SLC35F4: variants seen among roughly 807,000 people sequenced by gnomAD.
The protein encoded by SLC35F4 is chromosome 14 open reading frame 36.
A neutral mutation model predicts 44.2 loss-of-function variants in SLC35F4; 24 were observed. The ratio of observed to expected loss-of-function variants is 0.54; its 90% CI spans 0.39 to 0.76. The LOEUF is 0.76. Among genes scored for constraint, SLC35F4 ranks in the 30% least tolerant of loss-of-function variants. SLC35F4 has a pLI of 0.00. For missense variants in SLC35F4, 562 were observed against 586.1 expected (o/e 0.96, Z 0.42); for synonymous variants, 238 against 223.6 (o/e 1.06, Z -0.57).
chr14:57,925,533 G>GGGAT (rs1889550368), intron 1 of SLC35F4, among the ~76,000 whole-genome samples: 1 of 106,940 alleles, frequency 9.4e-6, no homozygotes, highest in African/African-American at 3.8e-5. Flanking sequence ...GAGGGAGGGA[G>GGGAT]GGAGGGAGGG....
intron 1 of SLC35F4, among the ~76,000 whole-genome samples, chr14:57,731,271 G>A (rs1205975488): frequency 2.0e-5 from 3 of 152,108 alleles, no homozygotes; most frequent in Non-Finnish European, 4.4e-5. Context: ...ACCAAGTTGT[G>A]CCTTCATGTT....
intron 1 of SLC35F4, among the ~76,000 whole-genome samples, chr14:57,672,993 A>G (rs149632497): frequency 2.0e-5 from 3 of 152,180 alleles, no homozygotes; most frequent in Admixed American, 2.0e-4. Flanking sequence ...AAAAAATAAA[A>G]TTTGCCATAA....
chr14:57,661,345 A>G (rs2074130830), intron 1 of SLC35F4, among the ~76,000 whole-genome samples: 1 of 152,162 alleles, frequency 6.6e-6, no homozygotes, highest in Non-Finnish European at 1.5e-5. Flanking sequence ...TTTGTGAGGC[A>G]CTGCTCCTGT....
intron 1 of SLC35F4, among the ~76,000 whole-genome samples, chr14:57,831,929 C>T (rs139653896): frequency 6.2e-4 from 95 of 152,226 alleles, no homozygotes; most frequent in African/African-American, 2.1e-3. Context: ...AGTGTATATC[C>T]GTGTCTTCAC....
intron 1 of SLC35F4, among the ~76,000 whole-genome samples, chr14:57,668,152 A>C (rs2074383489): frequency 6.7e-5 from 10 of 150,114 alleles, no homozygotes; most frequent in South Asian, 2.1e-4. Context: ...GTGTCTGTTC[A>C]TATCCTTTGC....
Position 57,654,840 on chromosome 14 carries a change from T to C in SLC35F4, c.104-60716A>G, listed in dbSNP as rs1028352578. ...AGAAGTTAGGACTTCAACATGAACA[T>C]TGGGGGACATAATTCAAACCATTAT... On this transcript the variant is annotated intron_variant, in intron 1 of 7. Transcript: ENST00000556826. 6.6e-5 allele frequency among the ~76,000 whole-genome samples: 10 copies of C among 152,186 alleles called. No homozygotes were observed. In the South Asian group the frequency reaches 1.2e-3, roughly 19 times the overall value.
Position 57,572,000 on chromosome 14 carries a change from G to T in SLC35F4, c.827C>A (p.Ala276Glu). The part of the protein sequence containing the change: ...MGVRIVAAIM[A>E]ITGIVMMAYA... Reference sequence around the variant, plus strand: ...TGCCATCATGACAATGCCGGTAATTGCCATTATTGCAGCAACTATCTGTCA... The same window carrying T: ...TGCCATCATGACAATGCCGGTAATTTCCATTATTGCAGCAACTATCTGTCA... Residue 276 changes from alanine (A) to glutamate (E), a missense_variant, in exon 5 of 8, where the codon GCA becomes GAA. By Grantham distance (107) the Ala-to-Glu change is moderately radical. Transcript: ENST00000556826. 6.2e-7 allele frequency: 1 copy of T among 1,610,474 alleles called. No individual in the cohort carries two copies. Among genetic ancestry groups the T allele is most frequent in the Non-Finnish European group, 8.5e-7 (1 of 1,178,174 alleles).
chr14:57,889,248 T>G (rs1028750221), intron 1 of SLC35F4, among the ~76,000 whole-genome samples: 1 of 152,242 alleles, frequency 6.6e-6, no homozygotes, highest in Admixed American at 6.5e-5. Flanking sequence ...AACACTGCCA[T>G]GCGGTGCAGC....
chr14:57,788,111 C>T (rs537551270), intron 1 of SLC35F4, among the ~76,000 whole-genome samples: 31 of 151,926 alleles, frequency 2.0e-4, no homozygotes, highest in South Asian at 1.3e-3. Flanking sequence ...AAAACAAGCA[C>T]GGGTAGCTGT....
At chr14:57,689,828 T>C (rs951496889) in intron 1 of SLC35F4, among the ~76,000 whole-genome samples, 2 of 151,962 alleles carry the variant, frequency 1.3e-5, no homozygotes, top group Admixed American at 1.3e-4. Context: ...ATGGCACACG[T>C]ATACATATGT....
At chr14:57,578,764 C>T (rs1290075427) in intron 4 of SLC35F4, 1 of 152,166 alleles carries the variant, frequency 6.6e-6, no homozygotes, top group African/African-American at 2.4e-5. Context: ...GATGTCTTCA[C>T]TTATGGATAT....
At chr14:57,958,617 G>C (rs1890285655) in intron 1 of SLC35F4, among the ~76,000 whole-genome samples, 1 of 152,144 alleles carries the variant, frequency 6.6e-6, no homozygotes. Context: ...AAAAACCACT[G>C]AGCTCTATAC....
rs10133126 is a variant in SLC35F4 at position 57,852,547 on chromosome 14, G to C, written c.103+13176C>G. ...TTCCTACACAGATGTGGACTAGAAA[G>C]GAACAAGACAAGCAGTTCCAGCTTC... On this transcript the variant is annotated intron_variant, in intron 1 of 7. Transcript: ENST00000556826. 4.5e-3 allele frequency among the ~76,000 whole-genome samples: 679 copies of C among 152,294 alleles called. 5 individuals are homozygous for C. Among genetic ancestry groups the C allele is most frequent in the African/African-American group, 0.016 (647 of 41,560 alleles).
At chr14:57,890,122 GA>G (rs1459835514) in intron 1 of SLC35F4, among the ~76,000 whole-genome samples, 4 of 151,906 alleles carry the variant, frequency 2.6e-5, no homozygotes, top group African/African-American at 9.7e-5. Flanking sequence ...GAGATGTACG[GA>G]GGCCTTCACT....
chr14:57,804,832 AC>A (rs1360410432), intron 1 of SLC35F4, among the ~76,000 whole-genome samples: 1 of 152,174 alleles, frequency 6.6e-6, no homozygotes, highest in East Asian at 1.9e-4. Context: ...TGAACAGACA[AC>A]CTAAAGAATG....
At chr14:57,808,805 CAAAAAG>C (rs1388745089) in intron 1 of SLC35F4, among the ~76,000 whole-genome samples, 1 of 152,104 alleles carries the variant, frequency 6.6e-6, no homozygotes, top group African/African-American at 2.4e-5. Flanking sequence ...GACTCCGTCT[CAAAAAG>C]AAAATTTTTT....
chr14:57,929,945 T>C (rs986163525), intron 1 of SLC35F4, among the ~76,000 whole-genome samples: 1 of 152,142 alleles, frequency 6.6e-6, no homozygotes, highest in African/African-American at 2.4e-5. Flanking sequence ...AGAGTTCTTT[T>C]AGGAAGAACC....
intron 1 of SLC35F4, among the ~76,000 whole-genome samples, chr14:57,787,985 G>A (rs574844672): frequency 2.1e-4 from 32 of 152,268 alleles, no homozygotes; most frequent in Non-Finnish European, 3.1e-4. Flanking sequence ...ACTGCAGAAT[G>A]GATAAGAACT....
At chr14:57,590,100 T>C (rs550047274) in intron 2 of SLC35F4, among the ~76,000 whole-genome samples, 3 of 149,466 alleles carry the variant, frequency 2.0e-5, no homozygotes, top group South Asian at 2.1e-4. Context: ...TTTTACGTTA[T>C]AGCAAATGGC....
Sources: allele counts gnomAD v4.1 joint callset (sites outside exome capture counted in the v4.1 genomes callset), GRCh38; gene constraint gnomAD v4.1.1; transcripts MANE v1.5; gene names NCBI Gene and HGNC (gene_info 2026-07-23, HGNC 2026-07-21).